Variants in MCM9 observed in about 807,000 individuals in gnomAD.
The protein encoded by MCM9 is DNA helicase MCM9.
MCM9 carries 55 observed loss-of-function variants against 72.8 expected under a neutral mutation model. The ratio of observed to expected loss-of-function variants is 0.76; its 90% CI spans 0.61 to 0.95. MCM9 has a LOEUF of 0.95. MCM9 is among the 40% of genes least tolerant of loss of function. The probability of loss-of-function intolerance (pLI) is 0.00; values close to 1 mark genes in which losing one functional copy is unlikely to be tolerated. For missense variants in MCM9, 1,279 were observed against 1,377.0 expected, an observed-to-expected ratio of 0.93 and a Z score of 1.13; for synonymous variants, 480 against 503.4, an observed-to-expected ratio of 0.95 and a Z score of 0.62.
At chr6:118,914,508 A>G (rs1468920428) in intron 6 of MCM9, among the ~76,000 whole-genome samples, 1 of 152,200 alleles carries the variant, frequency 6.6e-6, no homozygotes, top group Admixed American at 6.5e-5. Context: ...GTGAAGAAAG[A>G]AAATCTTTTA....
chr6:118,816,057 C>A lies in MCM9; in HGVS notation c.2199G>T (p.Gln733His). ...NRSTSRKHSA[Q>H]HKNNRDDSLD... The stretch of plus-strand genomic sequence containing the variant: ...AACTGTCATCTCTGTTATTTTTGTG[C>A]TGAGCTGAATGTTTCCTACTTGTTG... Residue 733 changes from glutamine (Q) to histidine (H), a missense_variant, in exon 14 of 14, where the codon CAG becomes CAT. By Grantham distance (24) the Gln-to-His change is conservative (BLOSUM62 0). Transcript: ENST00000619706. 6.5e-7 allele frequency: 1 copy of A among 1,550,148 alleles called. No individual in the cohort carries two copies.
At chr6:118,838,236 C>T (rs924869718) in intron 9 of MCM9, among the ~76,000 whole-genome samples, 4 of 150,452 alleles carry the variant, frequency 2.7e-5, no homozygotes, top group Admixed American at 6.6e-5. Context: ...GATCTCGGCT[C>T]ACTTCAAGCT....
chr6:118,879,133 A>G (rs1390375792), intron 8 of MCM9, among the ~76,000 whole-genome samples: 3 of 152,170 alleles, frequency 2.0e-5, no homozygotes, highest in Non-Finnish European at 4.4e-5. Context: ...GACATAAGAC[A>G]TGTAGAAAAC....
At chr6:118,854,911 A>G (rs576843793) in intron 9 of MCM9, among the ~76,000 whole-genome samples, 21 of 152,234 alleles carry the variant, frequency 1.4e-4, no homozygotes, top group Non-Finnish European at 2.4e-4. Flanking sequence ...AAATATTTGT[A>G]TGTCATTGCT....
At chr6:118,927,493 T>C (rs1781994346) in intron 3 of MCM9, among the ~76,000 whole-genome samples, 1 of 151,916 alleles carries the variant, frequency 6.6e-6, no homozygotes, top group African/African-American at 2.4e-5. Context: ...TAATCCCAGC[T>C]ACTCGGGAGG....
At chr6:118,855,146 C>T (rs1776472397) in intron 9 of MCM9, among the ~76,000 whole-genome samples, 2 of 152,100 alleles carry the variant, frequency 1.3e-5, no homozygotes, top group African/African-American at 4.8e-5. Context: ...TTACAACATA[C>T]TTACAGATAG....
At chr6:118,931,268 T>C (rs1782402695) in intron 3 of MCM9, 152 bp downstream of exon 3, 1 of 690,154 alleles carries the variant, frequency 1.4e-6, no homozygotes, top group Admixed American at 3.0e-5. Flanking sequence ...AACACAATTA[T>C]TATTCTGCTC....
intron 9 of MCM9, among the ~76,000 whole-genome samples, chr6:118,853,445 GA>G (rs1776353745): frequency 6.6e-6 from 1 of 151,862 alleles, no homozygotes; most frequent in Admixed American, 6.6e-5. Context: ...AGCTTGTTGG[GA>G]TTTTTTTTTT....
intron 9 of MCM9, among the ~76,000 whole-genome samples, chr6:118,830,510 T>C (rs1774470319): frequency 6.6e-6 from 1 of 152,258 alleles, no homozygotes; most frequent in Non-Finnish European, 1.5e-5. Context: ...TTATAATTTA[T>C]GTGTCAAAAT....
chr6:118,884,762 C>T (rs922544397), intron 8 of MCM9, among the ~76,000 whole-genome samples: 1 of 151,906 alleles, frequency 6.6e-6, no homozygotes, highest in Non-Finnish European at 1.5e-5. Context: ...ATGAGAAAGC[C>T]GGAGTATTTA....
Position 118,856,043 on chromosome 6 carries a change from T to C in MCM9, c.1325+328A>G, listed in dbSNP as rs36146773. 9.6e-3 allele frequency among the ~76,000 whole-genome samples: 1,470 copies of C among 152,336 alleles called. 5 individuals carry two copies. Among genetic ancestry groups the C allele is most frequent in the Non-Finnish European group, 0.015 (1,045 of 68,036 alleles). On this transcript the variant is annotated intron_variant, in intron 9 of 13. Transcript: ENST00000619706. ...TTTCAAAATTCCTAACACAGAAATA[T>C]GCCCAGAGTACACATACAATGTTTA...
Position 118,909,718 on chromosome 6 carries a change from G to A in MCM9, c.1150+1932C>T, listed in dbSNP as rs191154410. On this transcript the variant is annotated intron_variant, in intron 8 of 13. Transcript: ENST00000619706. ...CATTCATAACCTTATACAACTTTAG[G>A]CTCCCATATAACTATACCCTCTAAT... 1.9e-3 allele frequency among the ~76,000 whole-genome samples: 285 copies of A among 152,130 alleles called. 1 individual carries two copies. The highest frequency in any genetic ancestry group is 6.7e-3 in the African/African-American group (279 of 41,500).
chr6:118,870,295 A>T (rs1777513972), intron 8 of MCM9, among the ~76,000 whole-genome samples: 1 of 152,220 alleles, frequency 6.6e-6, no homozygotes. Context: ...ATTCATATCA[A>T]GTATCTTTTC....
At chr6:118,816,476 C>A (rs1298763970) in intron 13 of MCM9, among the ~76,000 whole-genome samples, 182 bp from the exon 14 acceptor site, 1 of 152,096 alleles carries the variant, frequency 6.6e-6, no homozygotes, top group Non-Finnish European at 1.5e-5. Flanking sequence ...AATCAATATA[C>A]AATTTACATA....
intron 8 of MCM9, among the ~76,000 whole-genome samples, chr6:118,870,181 TCAA>T: frequency 6.6e-6 from 1 of 152,216 alleles, no homozygotes; most frequent in South Asian, 2.1e-4. Context: ...AACATTCCAC[TCAA>T]CAGCAGTAGA....
chr6:118,867,294 GCT>G (rs1777276919), intron 8 of MCM9, among the ~76,000 whole-genome samples: 3 of 152,148 alleles, frequency 2.0e-5, no homozygotes, highest in Admixed American at 6.5e-5. Context: ...TTATAATGGA[GCT>G]GAAAAACTCA....
chr6:118,894,397 T>G (rs1562426756), intron 8 of MCM9: 3 of 1,536,616 alleles, frequency 2.0e-6, no homozygotes, highest in African/African-American at 2.7e-5. Context: ...TCCCATTGTT[T>G]GTGTTTTTTT....
chr6:118,895,157 C>T (rs1779291193), intron 8 of MCM9, among the ~76,000 whole-genome samples: 1 of 151,956 alleles, frequency 6.6e-6, no homozygotes, highest in Admixed American at 6.6e-5. Context: ...GCTTCCTCGA[C>T]CAACCAGCGG....
intron 9 of MCM9, among the ~76,000 whole-genome samples, chr6:118,849,827 G>A (rs1000972569): frequency 6.6e-6 from 1 of 151,752 alleles, no homozygotes; most frequent in African/African-American, 2.4e-5. Context: ...AAGAAAGAGG[G>A]GAGATGCATA....
Sources: allele counts gnomAD v4.1 joint callset (sites outside exome capture counted in the v4.1 genomes callset), GRCh38; gene constraint gnomAD v4.1.1; transcripts MANE v1.5; gene names NCBI Gene and HGNC (gene_info 2026-07-23, HGNC 2026-07-21).